SCYL3: variants seen among roughly 807,000 people sequenced by gnomAD.
SCYL3 encodes the protein protein-associating with the carboxyl-terminal domain of ezrin.
In SCYL3, 35 loss-of-function variants were observed where a neutral mutation model predicts 73.8. That is an observed-to-expected ratio of 0.47 (90% confidence interval 0.36 to 0.63). SCYL3 has a LOEUF of 0.63. Among genes scored for constraint, SCYL3 ranks in the 20% least tolerant of loss-of-function variants. The pLI is 0.00. For missense variants in SCYL3, 712 were observed against 798.9 expected (o/e 0.89, Z 1.31); for synonymous variants, 277 against 295.2 (o/e 0.94, Z 0.63).
chr1:169,866,682 A>C (rs1385896653), intron 8 of SCYL3, among the ~76,000 whole-genome samples: 1 of 151,736 alleles, frequency 6.6e-6, no homozygotes, highest in Non-Finnish European at 1.5e-5. Context: ...TACTGTACCC[A>C]CCTCTCTGTT....
At chr1:169,882,645 T>C (rs1030047701) in intron 2 of SCYL3, among the ~76,000 whole-genome samples, 2 of 152,216 alleles carry the variant, frequency 1.3e-5, no homozygotes, top group African/African-American at 4.8e-5. Context: ...CAGCACTCTG[T>C]ATCTAGCTCA....
chr1:169,880,672 A>T (rs1019798145), intron 2 of SCYL3, among the ~76,000 whole-genome samples: 3 of 152,168 alleles, frequency 2.0e-5, no homozygotes, highest in African/African-American at 7.2e-5. Context: ...TTCAAATGGA[A>T]GAAAAAATGA....
At chr1:169,868,618 G>A (rs190528231) in intron 7 of SCYL3, among the ~76,000 whole-genome samples, 2 of 152,288 alleles carry the variant, frequency 1.3e-5, no homozygotes, top group Admixed American at 1.3e-4. Context: ...ACTTACAACT[G>A]TAAACCAGTG....
intron 2 of SCYL3, among the ~76,000 whole-genome samples, 199 bp from the exon 3 acceptor site, chr1:169,879,018 T>C (rs532729145): frequency 6.6e-6 from 1 of 152,334 alleles, no homozygotes; most frequent in East Asian, 1.9e-4. Context: ...TTACTAATAT[T>C]TAAATGGCTC....
intron 11 of SCYL3, chr1:169,856,021 T>C: frequency 6.7e-7 from 1 of 1,497,696 alleles, no homozygotes; most frequent in Non-Finnish European, 9.2e-7. Context: ...ATCTATCACA[T>C]GGTTGGTGGG....
intron 1 of SCYL3, 96 bp downstream of exon 1, chr1:169,893,692 G>A (rs1001464694): frequency 3.3e-5 from 5 of 151,250 alleles, no homozygotes; most frequent in African/African-American, 9.7e-5. Flanking sequence ...AGACCCGCGA[G>A]CGGGGCGCGC....
chr1:169,888,762 A>G lies in SCYL3; in HGVS notation c.79T>C (p.Tyr27His), dbSNP rs535664116. ...PFTLPSGLAV[Y>H]PAVLQDGKFA... ...TTGCCATCTTGCAGTACAGCGGGAT[A>G]AACAGCAAGTCCAGAGGGTAAGGTA... The change falls in exon 2 of 13, where the codon TAT (tyrosine) becomes CAT (histidine). Residue 27 changes from tyrosine (Y) to histidine (H), a missense_variant. Physicochemically the swap from Tyr to His is moderately conservative, Grantham distance 83 (BLOSUM62 2). Transcript: ENST00000367771. The G allele has an allele frequency of 6.2e-7, 1 of 1,614,100 alleles. No individual in the cohort carries two copies. The highest frequency in any genetic ancestry group is 1.1e-5 in the South Asian group (1 of 91,078).
At chr1:169,878,041 T>G (rs1035089038) in intron 3 of SCYL3, among the ~76,000 whole-genome samples, 1 of 152,206 alleles carries the variant, frequency 6.6e-6, no homozygotes, top group African/African-American at 2.4e-5. Context: ...ACAGTAATAC[T>G]GTCAAGAAAC....
At chr1:169,882,506 T>C (rs1231326352) in intron 2 of SCYL3, among the ~76,000 whole-genome samples, 2 of 152,134 alleles carry the variant, frequency 1.3e-5, no homozygotes, top group Non-Finnish European at 2.9e-5. Flanking sequence ...GCACATGGCG[T>C]GGGACTGGCA....
At chr1:169,885,970 G>A (rs917218000) in intron 2 of SCYL3, among the ~76,000 whole-genome samples, 9 of 152,128 alleles carry the variant, frequency 5.9e-5, no homozygotes, top group East Asian at 1.9e-4. Context: ...CAGAAGCCAC[G>A]TAAGAGCACT....
intron 2 of SCYL3, among the ~76,000 whole-genome samples, chr1:169,879,477 T>C (rs1421657498): frequency 6.6e-6 from 1 of 152,110 alleles, no homozygotes; most frequent in African/African-American, 2.4e-5. Context: ...GAGCAAAGTT[T>C]TGAGAAACAG....
In SCYL3 at chr1:169,864,509, C is replaced by G. The variant is rs1231131306; in HGVS notation, c.816-1G>C. The G allele has an allele frequency of 6.3e-7, 1 of 1,584,736 alleles. No individual in the cohort carries two copies. The highest frequency in any genetic ancestry group is 2.2e-5 in the East Asian group (1 of 44,684). On this transcript the variant is annotated splice_acceptor_variant, in intron 8 of 12. Transcript: ENST00000367771. LOFTEE classifies it high-confidence loss of function. Reference sequence around the variant, plus strand: ...GCAGCTGACTCTGTCCAGCAGAAATCTGAGGACAAAAAGGGAAAGCCCAGG... The same window carrying G: ...GCAGCTGACTCTGTCCAGCAGAAATGTGAGGACAAAAAGGGAAAGCCCAGG...
chr1:169,849,984 T>G lies in SCYL3; in HGVS notation c.*3729A>C. The G allele has an allele frequency of 6.2e-6, 3 of 484,272 alleles. No homozygotes were observed. The Middle Eastern group carries it at 1.7e-3, about 269-fold the overall frequency. 30.0% of individuals were successfully genotyped at this position (484,272 alleles called of 1,614,324 possible). ...TGTAAGATGGGTTGCTCCTTTACTC[T>G]TACTGCATTTGCTGTATAGTCATGC... On this transcript the variant is annotated 3_prime_UTR_variant, in exon 13 of 13. Transcript: ENST00000367771.
At position 169,853,224 on chromosome 1, in the gene SCYL3, A is replaced by G. The variant is rs552743233; in HGVS notation, c.*489T>C. On this transcript the variant is annotated 3_prime_UTR_variant, in exon 13 of 13. Transcript: ENST00000367771. ...GGTCCACAAAGAACCATTTACTCAG[A>G]TAGTCTAACTGTAAACAAATAAATA... The G allele has an allele frequency of 1.0e-4, 55 of 530,068 alleles. No individual in the cohort carries two copies. In the East Asian group the frequency reaches 1.7e-3, roughly 16 times the overall value. The allele number at this position is 530,068 out of a possible 1,614,324, so 32.8% of individuals were successfully genotyped here.
At position 169,852,491 on chromosome 1, in the gene SCYL3, T is replaced by TAAGAC. The variant is rs1414287184; in HGVS notation, c.*1217_*1221dup. The TAAGAC allele has an allele frequency of 2.7e-6, 1 of 370,000 alleles. No individual in the cohort carries two copies. The highest frequency in any genetic ancestry group is 4.9e-6 in the Non-Finnish European group (1 of 205,936). The allele number at this position is 370,000 out of a possible 1,614,324, so 22.9% of individuals were successfully genotyped here. A position where few individuals can be genotyped will look rare whatever the true frequency, so the allele number is the denominator to read the frequency against. ...GAAAATACATTTATGAACTTGTTTATAAGACATGTAAGCTTGGACTATGCA... is the reference window on the plus strand; with the variant it reads ...GAAAATACATTTATGAACTTGTTTATAAGACAAGACATGTAAGCTTGGACTATGCA... On this transcript the variant is annotated 3_prime_UTR_variant, in exon 13 of 13. Transcript: ENST00000367771.
rs1261993803 is a variant in SCYL3, at chr1:169,854,622, A to G, written c.1655T>C (p.Leu552Pro). Residue 552 changes from leucine (L) to proline (P), a missense_variant, in exon 12 of 13, where the codon CTT becomes CCT. Around this residue, in one of 2 missense-constraint regions of SCYL3, gnomAD observed 370 missense variants for 350.8 expected, o/e 1.05. Transcript: ENST00000367771. ...SGEQKPIPAL[L>P]SLTEESMPWK... ...AGGCATAGACTCTTCAGTGAGTGAA[A>G]GCAAAGCAGGAATAGGCTTCTGCTC... The G allele has an allele frequency of 6.2e-7, 1 of 1,614,068 alleles. No individual in the cohort carries two copies. The highest frequency in any genetic ancestry group is 1.1e-5 in the South Asian group (1 of 91,082).
rs890635584 is a variant in SCYL3, at chr1:169,854,874, C to T, written c.1403G>A (p.Ser468Asn). 1.2e-6 allele frequency: 2 copies of T among 1,613,944 alleles called. No homozygotes were observed. The highest frequency in any genetic ancestry group is 1.3e-5 in the African/African-American group (1 of 75,002). The change falls in exon 12 of 13, where the codon AGT becomes AAT. Residue 468 changes from serine to asparagine, a missense_variant. Ser to Asn is a conservative substitution (Grantham distance 46). Coordinates refer to ENST00000367771, the MANE Select transcript of SCYL3 (RefSeq NM_020423.7). ...AGGCCACTCCTCAGACTTTTTAGAACTTGATGGGAAGTTTTCACTGTCCTC... is the reference window on the plus strand; with the variant it reads ...AGGCCACTCCTCAGACTTTTTAGAATTTGATGGGAAGTTTTCACTGTCCTC... ...TSEDSENFPS[S>N]SKKSEEWPDW...
intron 1 of SCYL3, among the ~76,000 whole-genome samples, chr1:169,890,749 G>T (rs1662026752): frequency 6.6e-6 from 1 of 152,190 alleles, no homozygotes; most frequent in Admixed American, 6.5e-5. Context: ...CTACCTACCT[G>T]GCAATGTATC....
chr1:169,882,389 C>G (rs1050237649), intron 2 of SCYL3, among the ~76,000 whole-genome samples: 1 of 152,210 alleles, frequency 6.6e-6, no homozygotes, highest in Non-Finnish European at 1.5e-5. Flanking sequence ...GCCTGAGCCT[C>G]CCACCCCTCC....
Sources: allele counts gnomAD v4.1 joint callset (sites outside exome capture counted in the v4.1 genomes callset), GRCh38; gene constraint gnomAD v4.1.1; regional missense constraint gnomAD v4.1.1; transcripts MANE v1.5; gene names NCBI Gene and HGNC (gene_info 2026-07-23, HGNC 2026-07-21).